The following INSR variants were observed in gnomAD, a reference collection of about 807,000 sequenced individuals.
The protein encoded by INSR is insulin receptor, also known as IR.
A neutral mutation model predicts 142.6 loss-of-function variants in INSR; 67 were observed. The observed-to-expected ratio is 0.47, with a 90% CI of 0.39 to 0.58. The LOEUF is 0.58. Ranked by LOEUF, INSR falls within the 20% of genes least tolerant of loss-of-function variation. The pLI, the probability that INSR is intolerant of heterozygous loss-of-function variation, is 0.00. For missense variants in INSR, 1,248 were observed against 1,833.2 expected (o/e 0.68, Z 5.83); for synonymous variants, 756 against 743.1 (o/e 1.02, Z -0.28).
At chr19:7,170,860 C>G in intron 5 of INSR, 109 bp from the exon 6 acceptor site, 1 of 860,676 alleles carries the variant, frequency 1.2e-6, no homozygotes, top group Non-Finnish European at 2.0e-6. Context: ...GTGCCTAATC[C>G]TCTCCACTTG....
intron 2 of INSR, among the ~76,000 whole-genome samples, chr19:7,266,742 G>A (rs1967744337): frequency 6.6e-6 from 1 of 152,054 alleles, no homozygotes; most frequent in Admixed American, 6.6e-5. Context: ...CAGTAGACAC[G>A]ACAGATTCCT....
intron 2 of INSR, among the ~76,000 whole-genome samples, chr19:7,198,294 A>G (rs1437247360): frequency 6.6e-6 from 1 of 151,226 alleles, no homozygotes. Context: ...TCCGCTCCCC[A>G]GACTGGCGCT....
At chr19:7,207,952 G>GGAC (rs1975160342) in intron 2 of INSR, among the ~76,000 whole-genome samples, 2 of 117,464 alleles carry the variant, frequency 1.7e-5, no homozygotes, top group Non-Finnish European at 3.8e-5. Context: ...GAAGGAGGGA[G>GGAC]GGAGGGAGGG....
At chr19:7,241,256 G>GC (rs1255448187) in intron 2 of INSR, among the ~76,000 whole-genome samples, 1 of 149,808 alleles carries the variant, frequency 6.7e-6, no homozygotes, top group Non-Finnish European at 1.5e-5. Flanking sequence ...GTAGCTCACT[G>GC]CAGCCTCCAA....
At chr19:7,179,375 C>A (rs1203960143) in intron 3 of INSR, among the ~76,000 whole-genome samples, 1 of 152,176 alleles carries the variant, frequency 6.6e-6, no homozygotes, top group Non-Finnish European at 1.5e-5. Flanking sequence ...GAGGGCTGAG[C>A]CTTAAACTTG....
chr19:7,232,809 CAAAAAA>C (rs575896195), intron 2 of INSR, among the ~76,000 whole-genome samples: 1 of 139,550 alleles, frequency 7.2e-6, no homozygotes, highest in African/African-American at 2.6e-5. Flanking sequence ...GACTCCGTCT[CAAAAAA>C]AAAAAATTTC....
At chr19:7,157,424 AT>A (rs56136465) in intron 9 of INSR, among the ~76,000 whole-genome samples, 15 of 115,084 alleles carry the variant, frequency 1.3e-4, no homozygotes, top group Middle Eastern at 5.1e-3. Flanking sequence ...CGATTTTTGT[AT>A]TTTTTTTTTT....
chr19:7,155,600 T>G (rs1599920504), intron 9 of INSR, among the ~76,000 whole-genome samples: 6 of 102,616 alleles, frequency 5.8e-5, no homozygotes, highest in South Asian at 6.0e-4. Flanking sequence ...AGAGAGAGAA[T>G]GGTGGGAGGG....
rs1408806929 is a variant in INSR at position 7,168,145 on chromosome 19, A to G, written c.1484-51T>C. The G allele has an allele frequency of 6.2e-7, 1 of 1,601,890 alleles. No homozygotes were observed. Among genetic ancestry groups the G allele is most frequent in the South Asian group, 1.1e-5 (1 of 90,350 alleles). ...AAATGAGCTATTTCAGTGTAGTTTC[A>G]GACCAAAGCCTGGGACCCCCACACT... On this transcript the variant is annotated intron_variant, in intron 6 of 21. Transcript: ENST00000302850. This position sits in a 1 kb window ranked among gnomAD's most constrained non-coding sequence, Gnocchi z 4.3.
At chr19:7,184,714 G>T in intron 2 of INSR, 77 bp from the exon 3 acceptor site, 1 of 1,094,934 alleles carries the variant, frequency 9.1e-7, no homozygotes, top group Non-Finnish European at 1.2e-6. Context: ...AAATGGCTTT[G>T]TCCAATTCCT....
rs749094324 is a variant in INSR at position 7,184,631 on chromosome 19, G to A, written c.659C>T (p.Pro220Leu). The change falls in exon 3 of 22, where the codon CCG (proline) becomes CTG (leucine). Residue 220 changes from proline (P) to leucine (L), a missense_variant. Physicochemically the swap from Pro to Leu is moderately conservative, Grantham distance 98. Coordinates refer to ENST00000302850, the MANE Select transcript of INSR (RefSeq NM_000208.4). The part of the protein sequence containing the change: ...WTHSHCQKVC[P>L]TICKSHGCTA... ...GCAGCCGTGTGACTTACAGATGGTCGGGCAAACTGGAGAGAGAGAGAGAGA... is the reference window on the plus strand; with the variant it reads ...GCAGCCGTGTGACTTACAGATGGTCAGGCAAACTGGAGAGAGAGAGAGAGA... 11 of 1,601,830 alleles carry A rather than the reference G, an allele frequency of 6.9e-6. No individual in the cohort carries two copies. Among genetic ancestry groups the A allele is most frequent in the East Asian group, 2.2e-5 (1 of 44,674 alleles).
Position 7,197,914 on chromosome 19 carries a change from TGA to T in INSR, c.653-13279_653-13278del, listed in dbSNP as rs1305228145. Among the ~76,000 whole-genome samples the T allele has an allele frequency of 2.4e-3, 226 of 94,772 alleles. 5 individuals carry two copies. The highest frequency in any genetic ancestry group is 0.011 in the African/African-American group (206 of 17,982). 62.2% of individuals were successfully genotyped at this position (94,772 alleles called of 152,430 possible). On this transcript the variant is annotated intron_variant, in intron 2 of 21. Transcript: ENST00000302850. ...GCCCCAGGATTGGTCGGTTCCAGAGTGAGAGTGTGTGTGTGTGTGTGTGTGTG... is the reference window on the plus strand; with the variant it reads ...GCCCCAGGATTGGTCGGTTCCAGAGTGAGTGTGTGTGTGTGTGTGTGTGTG...
chr19:7,243,243 T>G (rs1976421152), intron 2 of INSR, among the ~76,000 whole-genome samples: 1 of 126,324 alleles, frequency 7.9e-6, no homozygotes, highest in Admixed American at 8.1e-5. Context: ...GGTTTTTTTT[T>G]TTTTTTTTTT....
chr19:7,205,281 T>C (rs371633387), intron 2 of INSR, among the ~76,000 whole-genome samples: 2 of 152,146 alleles, frequency 1.3e-5, no homozygotes, highest in South Asian at 2.1e-4. Context: ...TGCAAGCACA[T>C]TTCGTTACAA....
chr19:7,257,226 G>A (rs1976921718), intron 2 of INSR, among the ~76,000 whole-genome samples: 1 of 152,110 alleles, frequency 6.6e-6, no homozygotes. Context: ...TTACAGGCCT[G>A]AGCCACCGTG....
At chr19:7,140,773 C>CT (rs34805383) in intron 13 of INSR, among the ~76,000 whole-genome samples, 7,205 of 139,390 alleles carry the variant, frequency 0.052, 505 homozygotes, top group African/African-American at 0.16. Flanking sequence ...ATTAACGGCC[C>CT]TTTTTTTTTT....
chr19:7,170,307 TCTA>T, intron 6 of INSR, among the ~76,000 whole-genome samples: 1 of 151,800 alleles, frequency 6.6e-6, no homozygotes, highest in East Asian at 1.9e-4. Flanking sequence ...GCTGGGACCA[TCTA>T]GTTGCAGGAA....
chr19:7,228,976 C>T (rs11882212), intron 2 of INSR, among the ~76,000 whole-genome samples: 150,730 of 151,206 alleles, frequency 1, 75,139 homozygotes, highest in Non-Finnish European at 1. Context: ...GCAGAGTAGA[C>T]AGAAGGATGG....
intron 1 of INSR, among the ~76,000 whole-genome samples, chr19:7,276,799 C>T (rs1003261696): frequency 2.0e-5 from 3 of 152,076 alleles, no homozygotes; most frequent in African/African-American, 4.8e-5. Flanking sequence ...AGCGTGATCT[C>T]GAATCACTGC....
Sources: allele counts gnomAD v4.1 joint callset (sites outside exome capture counted in the v4.1 genomes callset), GRCh38; gene constraint gnomAD v4.1.1; non-coding constraint Gnocchi (gnomAD v3.1); transcripts MANE v1.5; gene names NCBI Gene and HGNC (gene_info 2026-07-23, HGNC 2026-07-21).